The following PARD3B variants were observed in gnomAD, a reference collection of about 807,000 sequenced individuals.
PARD3B encodes par-3 family cell polarity regulator beta, also known as partitioning defective 3 homolog B.
In PARD3B, 103 loss-of-function variants were observed where a neutral mutation model predicts 130.2. That is an observed-to-expected ratio of 0.79 (90% confidence interval 0.67 to 0.93). The LOEUF (loss-of-function observed/expected upper bound fraction) is 0.93. Among genes scored for constraint, PARD3B ranks in the 40% least tolerant of loss-of-function variants. The pLI is 0.00. For missense variants in PARD3B, 1,609 were observed against 1,499.2 expected (o/e 1.07, Z -1.21); for synonymous variants, 583 against 553.2 (o/e 1.05, Z -0.76).
chr2:205,304,535 T>G (rs1290467124), intron 18 of PARD3B, among the ~76,000 whole-genome samples: 1 of 151,488 alleles, frequency 6.6e-6, no homozygotes, highest in African/African-American at 2.4e-5. Flanking sequence ...CTCGGGAGGC[T>G]GAGACAGGAG....
intron 18 of PARD3B, among the ~76,000 whole-genome samples, chr2:205,356,013 A>G (rs908545805): frequency 1.3e-5 from 2 of 152,164 alleles, no homozygotes; most frequent in Non-Finnish European, 2.9e-5. Context: ...ATAATTCCAG[A>G]TGAGATTTGG....
chr2:204,846,714 A>G (rs1404413592), intron 2 of PARD3B, among the ~76,000 whole-genome samples: 3 of 150,818 alleles, frequency 2.0e-5, no homozygotes, highest in Admixed American at 1.3e-4. Context: ...TATACCTGAA[A>G]GTATTTCTTA....
At chr2:204,764,118 C>T (rs1292759374) in intron 2 of PARD3B, among the ~76,000 whole-genome samples, 2 of 152,102 alleles carry the variant, frequency 1.3e-5, no homozygotes, top group East Asian at 3.9e-4. Context: ...GAAAGCTCTC[C>T]ACCACAGAGA....
chr2:205,129,697 G>A (rs1375808967), intron 10 of PARD3B, among the ~76,000 whole-genome samples: 1 of 152,168 alleles, frequency 6.6e-6, no homozygotes, highest in Non-Finnish European at 1.5e-5. Context: ...TAACAGCACT[G>A]CACTGCCTAG....
intron 3 of PARD3B, among the ~76,000 whole-genome samples, chr2:204,981,466 T>A (rs1692661165): frequency 6.6e-6 from 1 of 152,192 alleles, no homozygotes; most frequent in South Asian, 2.1e-4. Context: ...GTTAATTCCC[T>A]CTTTCCCAGT....
intron 3 of PARD3B, among the ~76,000 whole-genome samples, chr2:205,018,954 G>T (rs573260279): frequency 1.3e-5 from 2 of 151,992 alleles, no homozygotes; most frequent in East Asian, 3.9e-4. Flanking sequence ...CAGATTGGGT[G>T]GTTCTTTTTG....
intron 2 of PARD3B, among the ~76,000 whole-genome samples, chr2:204,797,481 T>C (rs919857214): frequency 6.6e-6 from 1 of 152,176 alleles, no homozygotes; most frequent in Non-Finnish European, 1.5e-5. Context: ...TTTGGTTGTA[T>C]TGTTATTGTA....
chr2:205,271,062 C>T (rs1037144322), intron 16 of PARD3B, among the ~76,000 whole-genome samples: 2 of 152,162 alleles, frequency 1.3e-5, no homozygotes, highest in Non-Finnish European at 1.5e-5. Flanking sequence ...CATTCTGCCA[C>T]TAAAAGGAAC....
chr2:205,390,491 G>A (rs1432082203), intron 18 of PARD3B, among the ~76,000 whole-genome samples: 4 of 152,098 alleles, frequency 2.6e-5, no homozygotes, highest in Non-Finnish European at 4.4e-5. Flanking sequence ...AATTAATTCG[G>A]TATGCTAGAG....
chr2:205,414,702 G>A (rs2046714963), intron 19 of PARD3B, among the ~76,000 whole-genome samples: 1 of 151,852 alleles, frequency 6.6e-6, no homozygotes, highest in Admixed American at 6.6e-5. Flanking sequence ...TGTAAAAGAT[G>A]GCACATTTCC....
At chr2:204,597,417 C>A (rs1230623976) in intron 1 of PARD3B, among the ~76,000 whole-genome samples, 1 of 152,060 alleles carries the variant, frequency 6.6e-6, no homozygotes, top group East Asian at 1.9e-4. Flanking sequence ...AATTTTCTTG[C>A]CTGTCCAGGT....
intron 1 of PARD3B, among the ~76,000 whole-genome samples, chr2:204,648,470 G>C (rs2035348646): frequency 6.8e-6 from 1 of 147,274 alleles, no homozygotes; most frequent in Non-Finnish European, 1.5e-5. Flanking sequence ...TTTTAGACAT[G>C]TTTTGTTTCT....
At chr2:205,018,749 A>AAAAAAAAAAAAAAAAAG (rs1559359658) in intron 3 of PARD3B, among the ~76,000 whole-genome samples, 2 of 120,026 alleles carry the variant, frequency 1.7e-5, no homozygotes, top group Non-Finnish European at 3.7e-5. Context: ...AAAAAAAAAA[A>AAAAAAAAAAAAAAAAAG]AGCACGCTGA....
intron 2 of PARD3B, among the ~76,000 whole-genome samples, chr2:204,695,192 C>T (rs970741828): frequency 2.6e-5 from 4 of 151,994 alleles, no homozygotes; most frequent in African/African-American, 9.7e-5. Context: ...TTTTCTCTCT[C>T]ACATTAGCTT....
chr2:205,296,663 ATGTGTGTGTGTGTGTG>A (rs3048084), intron 16 of PARD3B, among the ~76,000 whole-genome samples: 1 of 137,926 alleles, frequency 7.3e-6, no homozygotes, highest in African/African-American at 2.6e-5. Flanking sequence ...GTGTTTGTGT[ATGTGTGTGTGTGTGTG>A]TGTGTGTGTG....
At position 205,394,936 on chromosome 2, in the gene PARD3B, CA is replaced by C. The variant is rs1180728350; in HGVS notation, c.2631-6076del. Among the ~76,000 whole-genome samples the C allele has an allele frequency of 2.0e-5, 3 of 152,116 alleles. No homozygotes were observed. The East Asian group carries it at 5.8e-4, about 29-fold the overall frequency. The stretch of plus-strand genomic sequence containing the variant: ...GGACATGAATAGTGTGATGGTTTCT[CA>C]GTGTGAATGTGCTTAATGCCACTGA... On this transcript the variant is annotated intron_variant, in intron 18 of 22. Coordinates refer to ENST00000406610, the MANE Select transcript of PARD3B (RefSeq NM_001302769.2).
intron 10 of PARD3B, among the ~76,000 whole-genome samples, chr2:205,136,552 G>C (rs1383708985): frequency 6.6e-6 from 1 of 152,164 alleles, no homozygotes; most frequent in African/African-American, 2.4e-5. Flanking sequence ...CTGCAGGTAA[G>C]TTACAGACTT....
intron 2 of PARD3B, among the ~76,000 whole-genome samples, chr2:204,947,352 G>A (rs1165481086): frequency 1.3e-5 from 2 of 152,162 alleles, no homozygotes; most frequent in Admixed American, 6.5e-5. Flanking sequence ...AGTAAGTGTA[G>A]AGTGAAAAGA....
intron 2 of PARD3B, among the ~76,000 whole-genome samples, chr2:204,897,253 C>T (rs1575242238): frequency 6.6e-6 from 1 of 152,130 alleles, no homozygotes; most frequent in East Asian, 1.9e-4. Flanking sequence ...AGCAGTTTCT[C>T]ATTTAGACCT....
Sources: gnomAD v4.1 joint callset for allele counts (sites outside exome capture counted in the v4.1 genomes callset) on GRCh38, gnomAD v4.1.1 for gene constraint, MANE v1.5 for transcripts, NCBI Gene and HGNC (gene_info 2026-07-23, HGNC 2026-07-21) for gene names.